Variants in LBH observed in about 807,000 individuals in gnomAD.
LBH encodes the protein LBH regulator of Wnt signaling pathway.
A neutral mutation model predicts 12.5 loss-of-function variants in LBH; 7 were observed. The observed-to-expected ratio is 0.56, with a 90% confidence interval of 0.32 to 1.05. The LOEUF (loss-of-function observed/expected upper bound fraction) is 1.05, where lower values mean the gene tolerates loss of function less well. LBH is among the 50% of genes least tolerant of loss of function. The pLI, the probability that LBH is intolerant of heterozygous loss-of-function variation, is 0.04. For synonymous variants in LBH, 51 were observed against 50.1 expected (o/e 1.02, Z -0.08); for missense variants, 119 against 138.9 (o/e 0.86, Z 0.72).
intron 2 of LBH, among the ~76,000 whole-genome samples, chr2:30,245,652 T>C (rs1390000158): frequency 6.6e-6 from 1 of 152,198 alleles, no homozygotes; most frequent in Admixed American, 6.5e-5. Context: ...ATAACTGGTT[T>C]CTAATCTTGG....
At chr2:30,237,495 A>G (rs1429364151) in intron 2 of LBH, among the ~76,000 whole-genome samples, 4 of 152,026 alleles carry the variant, frequency 2.6e-5, no homozygotes, top group African/African-American at 9.7e-5. Context: ...GCAAGGGAGG[A>G]CTTATCTTCA....
intron 2 of LBH, among the ~76,000 whole-genome samples, chr2:30,249,372 G>T (rs1277377014): frequency 6.6e-6 from 1 of 152,178 alleles, no homozygotes; most frequent in Non-Finnish European, 1.5e-5. Flanking sequence ...TGCTGGTAGA[G>T]ATCTGCCCAT....
chr2:30,232,532 T>A (rs1328638547), intron 1 of LBH: 5 of 224,960 alleles, frequency 2.2e-5, no homozygotes. Flanking sequence ...TCTTCCTTCC[T>A]GCTCTGGGTT....
In LBH at chr2:30,234,471, C is replaced by G; in HGVS notation, c.93C>G (p.Ile31Met). Reference protein sequence around the residue: ...VMMNTQPMEEIGLSPRKDGLS... With the variant: ...VMMNTQPMEEMGLSPRKDGLS... ...TGAACACCCAGCCCATGGAGGAGATCGGCCTCAGCCCCCGCAAGGATGGCC... is the reference window on the plus strand; with the variant it reads ...TGAACACCCAGCCCATGGAGGAGATGGGCCTCAGCCCCCGCAAGGATGGCC... The change falls in exon 2 of 3, where the codon ATC becomes ATG. Residue 31 changes from isoleucine to methionine, a missense_variant. Ile to Met is a conservative substitution (Grantham distance 10). Coordinates refer to ENST00000395323, the MANE Select transcript of LBH (RefSeq NM_030915.4). 1 of 1,614,086 alleles carries G rather than the reference C, an allele frequency of 6.2e-7. No individual in the cohort carries two copies. Among genetic ancestry groups the G allele is most frequent in the Non-Finnish European group, 8.5e-7 (1 of 1,179,948 alleles).
chr2:30,246,988 A>AT (rs1008442379), intron 2 of LBH, among the ~76,000 whole-genome samples: 4 of 150,198 alleles, frequency 2.7e-5, no homozygotes, highest in Non-Finnish European at 3.0e-5. Context: ...ATGCCTGGCT[A>AT]TTTTTTTTTA....
At chr2:30,232,186 G>C in intron 1 of LBH, 3 of 1,493,550 alleles carry the variant, frequency 2.0e-6, no homozygotes, top group South Asian at 1.2e-5. Context: ...CGTCGAGGCC[G>C]GCAGCAGCGG....
intron 2 of LBH, among the ~76,000 whole-genome samples, chr2:30,235,964 G>A (rs1160355529): frequency 6.6e-6 from 1 of 152,194 alleles, no homozygotes; most frequent in Non-Finnish European, 1.5e-5. Context: ...GTCTGAGGAA[G>A]ACAATTGAGG....
At position 30,255,399 on chromosome 2, in the gene LBH, C is replaced by T. The variant is rs541068351; in HGVS notation, c.130-2034C>T. Among the ~76,000 whole-genome samples the T allele has an allele frequency of 2.6e-5, 3 of 114,094 alleles. No homozygotes were observed. The South Asian group carries it at 7.3e-4, about 28-fold the overall frequency. 74.9% of individuals were successfully genotyped at this position (114,094 alleles called of 152,430 possible). A position where few individuals can be genotyped will look rare whatever the true frequency, so the allele number is the denominator to read the frequency against. On this transcript the variant is annotated intron_variant, in intron 2 of 2. Coordinates refer to ENST00000395323, the MANE Select transcript of LBH (RefSeq NM_030915.4). ...GAGCCCAGAGTCGGGGTCCGTGTCCCCCTCTGCCTCCGTGACCCACACTGG... is the reference window on the plus strand; with the variant it reads ...GAGCCCAGAGTCGGGGTCCGTGTCCTCCTCTGCCTCCGTGACCCACACTGG...
At position 30,257,881 on chromosome 2, in the gene LBH, TAGTG is replaced by T. The variant is rs1439777747; in HGVS notation, c.*261_*264del. ...AGGAAGCTGCTTAGAGCCAGGGGGT[TAGTG>T]GGTGAGGGGAGCGAGTGCTGTTTTT... On this transcript the variant is annotated 3_prime_UTR_variant, in exon 3 of 3. Transcript: ENST00000395323. 3.1e-6 allele frequency: 1 copy of T among 322,900 alleles called. No individual in the cohort carries two copies. Among genetic ancestry groups the T allele is most frequent in the Non-Finnish European group, 5.6e-6 (1 of 177,042 alleles). The allele number at this position is 322,900 out of a possible 1,614,324, so 20.0% of individuals were successfully genotyped here.
rs201330564 is a variant in LBH at position 30,257,586 on chromosome 2, T to G, written c.283T>G (p.Cys95Gly). ...FLVQEDEQDN[C>G]EETAKENKEQ ...GGTCCAGGAGGATGAGCAAGATAAC[T>G]GCGAAGAGACAGCGAAAGAAAATAA... The change falls in exon 3 of 3, where the codon TGC becomes GGC. Residue 95 changes from cysteine to glycine, a missense_variant. Cys to Gly is a radical substitution (Grantham distance 159). Transcript: ENST00000395323. 1.2e-6 allele frequency: 2 copies of G among 1,613,606 alleles called. No homozygotes were observed. Among genetic ancestry groups the G allele is most frequent in the East Asian group, 2.2e-5 (1 of 44,876 alleles).
At chr2:30,240,055 G>A (rs1383888475) in intron 2 of LBH, among the ~76,000 whole-genome samples, 1 of 152,158 alleles carries the variant, frequency 6.6e-6, no homozygotes, top group East Asian at 1.9e-4. Context: ...TGGGCCTGAC[G>A]CCTCTCTCTC....
In LBH at chr2:30,246,238, G is replaced by A. The variant is rs77074798; in HGVS notation, c.130-11195G>A. On this transcript the variant is annotated intron_variant, in intron 2 of 2. Transcript: ENST00000395323. Reference sequence around the variant, plus strand: ...CTCCTAAAGTGCTGGGATTATAGGCGTGAGCCACTGCACCTGGCCCATAGT... The same window carrying A: ...CTCCTAAAGTGCTGGGATTATAGGCATGAGCCACTGCACCTGGCCCATAGT... 1.1e-4 allele frequency among the ~76,000 whole-genome samples: 16 copies of A among 152,252 alleles called. No homozygotes were observed. In the East Asian group the frequency reaches 1.9e-3, roughly 18 times the overall value.
intron 2 of LBH, among the ~76,000 whole-genome samples, chr2:30,253,862 G>A (rs1226184256): frequency 1.3e-5 from 2 of 152,144 alleles, no homozygotes; most frequent in African/African-American, 2.4e-5. Context: ...GAGAAACTGA[G>A]GTGTTTGGGG....
intron 2 of LBH, among the ~76,000 whole-genome samples, chr2:30,255,271 C>T (rs945853445): frequency 1.1e-4 from 17 of 150,134 alleles, no homozygotes; most frequent in African/African-American, 3.1e-4. Flanking sequence ...GAAATGAGGA[C>T]GCACCCAAAA....
intron 2 of LBH, among the ~76,000 whole-genome samples, chr2:30,252,534 C>T (rs992052265): frequency 7.2e-5 from 11 of 152,078 alleles, no homozygotes; most frequent in African/African-American, 1.9e-4. Flanking sequence ...TGGTGGCGGG[C>T]GCCTGTCGTC....
chr2:30,239,219 CCT>C (rs1677743742), intron 2 of LBH, among the ~76,000 whole-genome samples: 2 of 152,172 alleles, frequency 1.3e-5, no homozygotes, highest in Non-Finnish European at 2.9e-5. Flanking sequence ...CTCTGCTGAG[CCT>C]CTCTTGATGG....
chr2:30,238,272 C>T (rs975369882), intron 2 of LBH, among the ~76,000 whole-genome samples: 8 of 152,194 alleles, frequency 5.3e-5, no homozygotes, highest in African/African-American at 1.4e-4. Context: ...GCAGCCGAGG[C>T]GTCTACAGTT....
intron 1 of LBH, chr2:30,232,440 T>G: frequency 1.9e-6 from 1 of 532,378 alleles, no homozygotes; most frequent in East Asian, 3.4e-5. Flanking sequence ...CGTCGGAGGT[T>G]TGCCCCGGAC....
chr2:30,232,213 C>T, intron 1 of LBH: 1 of 1,521,210 alleles, frequency 6.6e-7, no homozygotes, highest in South Asian at 1.2e-5. Flanking sequence ...GCTGGTGCGG[C>T]CGCAGGGTTT....
Sources: gnomAD v4.1 joint callset for allele counts (sites outside exome capture counted in the v4.1 genomes callset) on GRCh38, gnomAD v4.1.1 for gene constraint, MANE v1.5 for transcripts, NCBI Gene and HGNC (gene_info 2026-07-23, HGNC 2026-07-21) for gene names.